TMEM230: variants seen among roughly 807,000 people sequenced by gnomAD.
TMEM230 encodes the protein transmembrane protein 230.
Under a neutral mutation model 15.8 loss-of-function variants are expected in TMEM230, and 10 were observed. The ratio of observed to expected loss-of-function variants is 0.63; its 90% CI spans 0.39 to 1.07. The LOEUF (loss-of-function observed/expected upper bound fraction) is 1.07, where lower values mean the gene tolerates loss of function less well. Ranked by LOEUF, TMEM230 falls within the 50% of genes least tolerant of loss-of-function variation. The probability of loss-of-function intolerance (pLI) is 0.01; values close to 1 mark genes in which losing one functional copy is unlikely to be tolerated. For synonymous variants in TMEM230, 67 were observed against 76.9 expected (o/e 0.87, Z 0.68); for missense variants, 165 against 193.3 (o/e 0.85, Z 0.87).
intron 3 of TMEM230, among the ~76,000 whole-genome samples, chr20:5,074,085 C>A (rs56763722): frequency 0.02 from 3,052 of 152,256 alleles, 102 homozygotes; most frequent in African/African-American, 0.07. Context: ...AGAGCTCACT[C>A]ATTACCATGA....
rs1324659220 is a variant in TMEM230 at position 5,075,891 on chromosome 20, T to A, written c.223-6542A>T. Among the ~76,000 whole-genome samples the A allele has an allele frequency of 4.7e-5, 7 of 149,376 alleles. No homozygotes were observed. The East Asian group carries it at 1.4e-3, about 30-fold the overall frequency. Reference sequence around the variant, plus strand: ...GGCCGAGGCAGGCAGATCACTTGAGTCCAGGAGTTTGAGACCAGCCTGGGC... The same window carrying A: ...GGCCGAGGCAGGCAGATCACTTGAGACCAGGAGTTTGAGACCAGCCTGGGC... On this transcript the variant is annotated intron_variant, in intron 3 of 3. Transcript: ENST00000612323.
downstream of TMEM230, among the ~76,000 whole-genome samples, chr20:5,097,074 C>T (rs2089684650): frequency 6.6e-6 from 1 of 152,166 alleles, no homozygotes; most frequent in African/African-American, 2.4e-5. Flanking sequence ...GTGAACATTT[C>T]CCTTTTTAGA....
At chr20:5,088,689 A>T (rs4518035) in intron 3 of TMEM230, among the ~76,000 whole-genome samples, 79,991 of 151,730 alleles carry the variant, frequency 0.53, 21,597 homozygotes, top group East Asian at 0.84. Context: ...ATTAAAAAAA[A>T]TTTTTTTGTA....
At chr20:5,109,275 C>T (rs1274806805) in intron 3 of TMEM230, 57 bp downstream of exon 2, 1 of 1,410,388 alleles carries the variant, frequency 7.1e-7, no homozygotes, top group Non-Finnish European at 9.9e-7. Context: ...GAAGGTCTTC[C>T]TGCTAACTTA....
chr20:5,104,505 A>G (rs1179844372), intron 4 of TMEM230, among the ~76,000 whole-genome samples: 1 of 152,268 alleles, frequency 6.6e-6, no homozygotes, highest in Non-Finnish European at 1.5e-5. Flanking sequence ...CATATGATCC[A>G]GCAATCACAG....
At chr20:5,071,076 G>A (rs755669448) in intron 3 of TMEM230, among the ~76,000 whole-genome samples, 3 of 152,156 alleles carry the variant, frequency 2.0e-5, no homozygotes, top group Non-Finnish European at 4.4e-5. Context: ...GTAGTTGTCC[G>A]AGGGTACTCA....
chr20:5,095,462 T>C (rs1457170229), downstream of TMEM230, among the ~76,000 whole-genome samples: 6 of 152,320 alleles, frequency 3.9e-5, no homozygotes, highest in African/African-American at 1.4e-4. Context: ...TCACAAAAAA[T>C]GATCTTCACA....
In TMEM230 at chr20:5,105,230, G is replaced by A. The variant is rs145312042; in HGVS notation, c.411+958C>T. 4.0e-3 allele frequency among the ~76,000 whole-genome samples: 603 copies of A among 152,268 alleles called. 3 individuals are homozygous for A. The highest frequency in any genetic ancestry group is 0.014 in the African/African-American group (573 of 41,528). Reference sequence around the variant, plus strand: ...GAACCCACGAGCCGGAGTTTGCAGTGAGCTGAGATCCTGCCACTGCACTCC... The same window carrying A: ...GAACCCACGAGCCGGAGTTTGCAGTAAGCTGAGATCCTGCCACTGCACTCC... On this transcript the variant is annotated intron_variant, in intron 4 of 4. Coordinates refer to ENST00000342308, the MANE Select transcript of TMEM230 (RefSeq NM_001009923.2).
At chr20:5,110,726 TA>T (rs2090278694) in intron 2 of TMEM230, among the ~76,000 whole-genome samples, 1 of 152,244 alleles carries the variant, frequency 6.6e-6, no homozygotes, top group South Asian at 2.1e-4. Context: ...TATAATATCT[TA>T]CAAAAAATTT....
At chr20:5,087,107 C>A (rs1045236396) in intron 3 of TMEM230, among the ~76,000 whole-genome samples, 1 of 152,282 alleles carries the variant, frequency 6.6e-6, no homozygotes, top group Middle Eastern at 3.4e-3. Flanking sequence ...CTCACAGATG[C>A]AAGCAATCCT....
At chr20:5,073,254 G>A (rs1393000617) in intron 3 of TMEM230, among the ~76,000 whole-genome samples, 1 of 152,214 alleles carries the variant, frequency 6.6e-6, no homozygotes, top group African/African-American at 2.4e-5. Context: ...ACTCCAGAAA[G>A]ACTCTCCTGA....
chr20:5,109,299 C>G (rs780338076), intron 3 of TMEM230, 33 bp downstream of exon 2: 1 of 1,544,770 alleles, frequency 6.5e-7, no homozygotes, highest in Non-Finnish European at 8.9e-7. Context: ...GAAACACAGC[C>G]AGTCAGTCTT....
chr20:5,111,704 G>A (rs1291326461), intron 1 of TMEM230: 1 of 769,678 alleles, frequency 1.3e-6, no homozygotes, highest in African/African-American at 1.9e-5. Context: ...GTTTTTCTCT[G>A]GGATGGCATT....
chr20:5,082,814 T>G (rs900633112), intron 3 of TMEM230, among the ~76,000 whole-genome samples: 2 of 152,174 alleles, frequency 1.3e-5, no homozygotes, highest in Non-Finnish European at 2.9e-5. Flanking sequence ...CTTTGTTCAA[T>G]CAAAATGATA....
At position 5,106,043 on chromosome 20, in the gene TMEM230, CCT is replaced by C. The variant is rs2090064818; in HGVS notation, c.411+143_411+144del. On this transcript the variant is annotated intron_variant, in intron 4 of 4. Transcript: ENST00000342308. Reference sequence around the variant, plus strand: ...TCTAGCTTGGATGACAGAGCAAGACCCTGTCTCAAAAAAAACAGACCACTGGG... The same window carrying C: ...TCTAGCTTGGATGACAGAGCAAGACCGTCTCAAAAAAAACAGACCACTGGG... The C allele has an allele frequency of 4.7e-6, 6 of 1,272,872 alleles. No homozygotes were observed. In the South Asian group the frequency reaches 9.5e-5, roughly 20 times the overall value. 78.8% of individuals were successfully genotyped at this position (1,272,872 alleles called of 1,614,324 possible).
At chr20:5,097,217 C>T (rs968381907), downstream of TMEM230, among the ~76,000 whole-genome samples, 1 of 152,198 alleles carries the variant, frequency 6.6e-6, no homozygotes, top group Non-Finnish European at 1.5e-5. Context: ...CCTATATTTT[C>T]CTGTTGTACC....
chr20:5,112,709 G>A lies in TMEM230; in HGVS notation c.68+252C>T, dbSNP rs1285349101. The A allele has an allele frequency of 2.1e-6, 3 of 1,425,234 alleles. 1 individual carries two copies. Among genetic ancestry groups the A allele is most frequent in the South Asian group, 3.0e-5 (2 of 67,166 alleles). 88.3% of individuals were successfully genotyped at this position (1,425,234 alleles called of 1,614,324 possible). A position where few individuals can be genotyped will look rare whatever the true frequency, so the allele number is the denominator to read the frequency against. ...TAAAACGTTTGGCACACAGTGCCTG[G>A]CATTACGCGCCTCTACATACGTTAT... On this transcript the variant is annotated intron_variant, in intron 1 of 4. Transcript: ENST00000342308.
chr20:5,093,099 T>TA (rs1345433151), intron 3 of TMEM230, among the ~76,000 whole-genome samples: 1 of 151,654 alleles, frequency 6.6e-6, no homozygotes, highest in Non-Finnish European at 1.5e-5. Context: ...TAGAAAACCC[T>TA]AAAGACACCA....
intron 4 of TMEM230, among the ~76,000 whole-genome samples, chr20:5,102,790 C>A (rs1327485817): frequency 1.3e-5 from 2 of 151,880 alleles, no homozygotes; most frequent in Non-Finnish European, 2.9e-5. Flanking sequence ...CAGTTTTACC[C>A]TGATACCAAA....
Sources: allele counts gnomAD v4.1 joint callset (sites outside exome capture counted in the v4.1 genomes callset), GRCh38; gene constraint gnomAD v4.1.1; transcripts MANE v1.5; gene names NCBI Gene and HGNC (gene_info 2026-07-23, HGNC 2026-07-21).